The following IL1RAPL1 variants were observed in gnomAD, a reference collection of about 807,000 sequenced individuals.
The protein encoded by IL1RAPL1 is interleukin-1 receptor accessory protein-like 1.
In IL1RAPL1, 3 loss-of-function variants were observed where a neutral mutation model predicts 48.4. The ratio of observed to expected loss-of-function variants is 0.06; its 90% CI spans 0.03 to 0.16. IL1RAPL1 has a LOEUF of 0.16. Ranked by LOEUF, IL1RAPL1 falls within the 10% of genes least tolerant of loss-of-function variation. IL1RAPL1 has a pLI of 1.00. For missense variants in IL1RAPL1, 349 were observed against 530.6 expected, an observed-to-expected ratio of 0.66 and a Z score of 3.36; for synonymous variants, 185 against 187.7, an observed-to-expected ratio of 0.99 and a Z score of 0.12.
At chrX:29,877,265 T>C (rs1457172238) in intron 6 of IL1RAPL1, among the ~76,000 whole-genome samples, 1 of 110,818 alleles carries the variant, frequency 9.0e-6, no homozygotes, top group Non-Finnish European at 1.9e-5. Flanking sequence ...GCAAAATGAG[T>C]GGTGAATGAC....
intron 2 of IL1RAPL1, among the ~76,000 whole-genome samples, chrX:28,991,320 T>C (rs1925598259): frequency 8.9e-6 from 1 of 112,022 alleles, no homozygotes; most frequent in South Asian, 3.7e-4. Context: ...GAGAACTCTA[T>C]GCTTATCAGA....
intron 2 of IL1RAPL1, among the ~76,000 whole-genome samples, chrX:28,969,254 A>G (rs780440947): frequency 8.9e-6 from 1 of 112,236 alleles, no homozygotes; most frequent in Admixed American, 9.5e-5. Context: ...ACCTACAGAG[A>G]CAAACATGTG....
Position 28,658,774 on chromosome X carries a change from G to T in IL1RAPL1, c.-25+70727G>T, listed in dbSNP as rs765133082. ...GGCATTGTCCAGAAAAATTTAACGG[G>T]TTTATTTATAATTATTTTAAAGTTG... On this transcript the variant is annotated intron_variant, in intron 1 of 10. Transcript: ENST00000378993. Among the ~76,000 whole-genome samples the T allele has an allele frequency of 1.9e-3, 205 of 110,756 alleles. 2 individuals carry two copies. Among genetic ancestry groups the T allele is most frequent in the Non-Finnish European group, 8.3e-4 (44 of 53,039 alleles).
intron 6 of IL1RAPL1, among the ~76,000 whole-genome samples, chrX:29,856,540 C>G (rs1931480499): frequency 8.9e-6 from 1 of 111,768 alleles, no homozygotes; most frequent in African/African-American, 3.2e-5. Context: ...TAGATAGCCT[C>G]ACAGTAGTTT....
intron 9 of IL1RAPL1, among the ~76,000 whole-genome samples, chrX:29,944,272 G>A (rs1338450052): frequency 9.0e-6 from 1 of 111,261 alleles, no homozygotes; most frequent in Admixed American, 9.6e-5. Context: ...ATTATTACTA[G>A]AACCGCAATC....
chrX:28,975,988 T>C (rs1437825585), intron 2 of IL1RAPL1, among the ~76,000 whole-genome samples: 2 of 111,037 alleles, frequency 1.8e-5, no homozygotes, highest in Non-Finnish European at 3.8e-5. Context: ...AAAGAAGAGC[T>C]CAGAGGCCAG....
chrX:28,869,379 C>T (rs1189091064), intron 2 of IL1RAPL1, among the ~76,000 whole-genome samples: 2 of 111,864 alleles, frequency 1.8e-5, no homozygotes, highest in Non-Finnish European at 3.8e-5. Context: ...TAAAGGCCCT[C>T]ATTTATTATA....
At chrX:29,114,233 A>T (rs1308367824) in intron 2 of IL1RAPL1, among the ~76,000 whole-genome samples, 1 of 112,012 alleles carries the variant, frequency 8.9e-6, no homozygotes, top group Non-Finnish European at 1.9e-5. Context: ...CACCCATAAA[A>T]CCATTTGAGG....
chrX:29,742,346 AT>A (rs60675238), intron 6 of IL1RAPL1, among the ~76,000 whole-genome samples: 2 of 109,993 alleles, frequency 1.8e-5, no homozygotes, highest in African/African-American at 6.6e-5. Context: ...AAGTATTGAC[AT>A]TTTTTTTTCA....
At chrX:29,878,458 A>G (rs1305175549) in intron 6 of IL1RAPL1, among the ~76,000 whole-genome samples, 1 of 111,823 alleles carries the variant, frequency 8.9e-6, no homozygotes, top group Non-Finnish European at 1.9e-5. Flanking sequence ...TAGATGCAAA[A>G]CAGAATTTGA....
At chrX:28,828,299 C>A (rs1443886120) in intron 2 of IL1RAPL1, among the ~76,000 whole-genome samples, 1 of 111,823 alleles carries the variant, frequency 8.9e-6, no homozygotes, top group Non-Finnish European at 1.9e-5. Flanking sequence ...GTTTCACTAT[C>A]ATTTCAAGTA....
intron 5 of IL1RAPL1, among the ~76,000 whole-genome samples, chrX:29,595,333 G>A (rs969591325): frequency 1.8e-5 from 2 of 111,956 alleles, no homozygotes; most frequent in South Asian, 3.7e-4. Context: ...CATAGTGGTC[G>A]TACTAGTTTA....
chrX:29,378,570 C>G (rs1933653277), intron 3 of IL1RAPL1, among the ~76,000 whole-genome samples: 2 of 112,137 alleles, frequency 1.8e-5, no homozygotes, highest in Non-Finnish European at 3.8e-5. Context: ...TTCTGAGGGT[C>G]AAGGTTCTGT....
intron 5 of IL1RAPL1, among the ~76,000 whole-genome samples, chrX:29,492,847 A>G (rs893974583): frequency 9.0e-6 from 1 of 111,586 alleles, no homozygotes; most frequent in Non-Finnish European, 1.9e-5. Context: ...ATTATTTAGC[A>G]TGTCTAGTGC....
intron 2 of IL1RAPL1, among the ~76,000 whole-genome samples, chrX:29,149,324 G>A (rs1047390534): frequency 4.5e-5 from 5 of 110,957 alleles, no homozygotes; most frequent in Non-Finnish European, 7.5e-5. Flanking sequence ...CTTGAAGCAC[G>A]AGAACCAATA....
chrX:29,927,955 G>A (rs1252560224), intron 8 of IL1RAPL1, among the ~76,000 whole-genome samples: 2 of 99,890 alleles, frequency 2.0e-5, no homozygotes, highest in East Asian at 5.9e-4. Flanking sequence ...GGAGAGGAAA[G>A]AAGGAAAGAC....
At chrX:29,526,917 G>T (rs945838706) in intron 5 of IL1RAPL1, among the ~76,000 whole-genome samples, 15 of 111,169 alleles carry the variant, frequency 1.3e-4, no homozygotes, top group African/African-American at 4.9e-4. Flanking sequence ...TTGAAACTAA[G>T]GTTAAAATGA....
intron 5 of IL1RAPL1, among the ~76,000 whole-genome samples, chrX:29,473,632 G>A (rs1934944397): frequency 3.4e-5 from 3 of 86,992 alleles, no homozygotes; most frequent in South Asian, 1.2e-3. Flanking sequence ...AGGCCATTTT[G>A]CATGGCTTAT....
Position 29,169,402 on chromosome X carries a change from TATG to T in IL1RAPL1, c.83-113533_83-113531del, listed in dbSNP as rs200626388. 3.4e-4 allele frequency among the ~76,000 whole-genome samples: 38 copies of T among 110,821 alleles called. 1 individual carries two copies. In the East Asian group the frequency reaches 0.01, roughly 30 times the overall value. On this transcript the variant is annotated intron_variant, in intron 2 of 10. Coordinates refer to ENST00000378993, the MANE Select transcript of IL1RAPL1 (RefSeq NM_014271.4). ...GTTTTAAACAAAAAGTGTCATCTAT[TATG>T]ATAATATTATGGCAGCTGTATTTAT...
Sources: gnomAD v4.1 joint callset for allele counts (sites outside exome capture counted in the v4.1 genomes callset) on GRCh38, gnomAD v4.1.1 for gene constraint, MANE v1.5 for transcripts, NCBI Gene and HGNC (gene_info 2026-07-23, HGNC 2026-07-21) for gene names.